The following SPATA17 variants were observed in gnomAD, a reference collection of about 807,000 sequenced individuals.
SPATA17 encodes spermatogenesis associated 17, also known as spermatogenesis-associated protein 17.
Under a neutral mutation model 62.2 loss-of-function variants are expected in SPATA17, and 53 were observed. That is an observed-to-expected ratio of 0.85 (90% CI 0.68 to 1.07). The LOEUF (loss-of-function observed/expected upper bound fraction) is 1.07. Among genes scored for constraint, SPATA17 ranks in the 50% least tolerant of loss-of-function variants. The pLI is 0.00. For synonymous variants in SPATA17, 146 were observed against 146.8 expected, an observed-to-expected ratio of 0.99 and a Z score of 0.04; for missense variants, 466 against 425.5, an observed-to-expected ratio of 1.10 and a Z score of -0.84.
intron 9 of SPATA17, among the ~76,000 whole-genome samples, chr1:217,844,105 A>G (rs1195275902): frequency 6.6e-6 from 1 of 152,196 alleles, no homozygotes; most frequent in African/African-American, 2.4e-5. Flanking sequence ...GGTAGAAGAC[A>G]GAAGCTTCCT....
In SPATA17 at chr1:217,655,626, T is replaced by C. The variant is rs151201211; in HGVS notation, c.240+4448T>C. 3.1e-3 allele frequency among the ~76,000 whole-genome samples: 475 copies of C among 152,328 alleles called. 7 individuals are homozygous for C. The highest frequency in any genetic ancestry group is 0.011 in the African/African-American group (437 of 41,566). ...TTCCATTGTTTCTCCTACATTTACT[T>C]ACCAGCATTTTGCTATAAGAGATTT... On this transcript the variant is annotated intron_variant, in intron 3 of 10. Coordinates refer to ENST00000366933, the MANE Select transcript of SPATA17 (RefSeq NM_138796.4).
intron 10 of SPATA17, among the ~76,000 whole-genome samples, chr1:217,863,122 T>TC (rs1405752297): frequency 7.7e-6 from 1 of 129,326 alleles, no homozygotes. Flanking sequence ...ACTCTTTCTT[T>TC]TTTTTTTTTT....
At chr1:217,725,428 T>A (rs536446740) in intron 5 of SPATA17, among the ~76,000 whole-genome samples, 1 of 152,338 alleles carries the variant, frequency 6.6e-6, no homozygotes, top group African/African-American at 2.4e-5. Flanking sequence ...CATTTTGACA[T>A]GTTTCAAAAA....
intron 9 of SPATA17, among the ~76,000 whole-genome samples, chr1:217,829,676 TG>T (rs1675087769): frequency 7.6e-6 from 1 of 131,582 alleles, no homozygotes; most frequent in Non-Finnish European, 1.7e-5. Context: ...CTCACTTATG[TG>T]AAAAAAAGAT....
At chr1:217,842,132 A>T (rs1040520046) in intron 9 of SPATA17, among the ~76,000 whole-genome samples, 4 of 151,920 alleles carry the variant, frequency 2.6e-5, no homozygotes, top group Non-Finnish European at 4.4e-5. Flanking sequence ...CTGTTTTTTT[A>T]AATTACTCAA....
chr1:217,791,044 T>A (rs1293113656), intron 8 of SPATA17, among the ~76,000 whole-genome samples: 3 of 152,260 alleles, frequency 2.0e-5, no homozygotes, highest in Admixed American at 6.5e-5. Context: ...TATTTTCAGA[T>A]AATGTTTTAA....
At chr1:217,703,978 C>T (rs1274582957) in intron 5 of SPATA17, among the ~76,000 whole-genome samples, 1 of 151,934 alleles carries the variant, frequency 6.6e-6, no homozygotes, top group Admixed American at 6.5e-5. Context: ...GGGTGGGGCT[C>T]TTTTAATAAA....
chr1:217,763,325 C>A (rs1249702377), intron 6 of SPATA17, among the ~76,000 whole-genome samples: 2 of 151,946 alleles, frequency 1.3e-5, no homozygotes, highest in East Asian at 3.9e-4. Flanking sequence ...CATGAAAAGT[C>A]TTTCTAAAGA....
chr1:217,642,569 C>T (rs898294096), intron 1 of SPATA17, among the ~76,000 whole-genome samples: 1 of 152,158 alleles, frequency 6.6e-6, no homozygotes, highest in Non-Finnish European at 1.5e-5. Context: ...TGAAATCCCC[C>T]TAATCCTTAC....
chr1:217,766,562 T>C (rs546441094), intron 6 of SPATA17, among the ~76,000 whole-genome samples: 20 of 152,144 alleles, frequency 1.3e-4, no homozygotes, highest in African/African-American at 4.3e-4. Context: ...TGCCTCATAA[T>C]TGAATACCTT....
At chr1:217,712,924 C>T (rs776568511) in intron 5 of SPATA17, among the ~76,000 whole-genome samples, 3 of 152,130 alleles carry the variant, frequency 2.0e-5, no homozygotes, top group Admixed American at 6.5e-5. Flanking sequence ...AGAGCCAAGA[C>T]GTTCACTCCC....
chr1:217,753,204 G>A (rs1672957624), intron 6 of SPATA17, among the ~76,000 whole-genome samples: 1 of 152,174 alleles, frequency 6.6e-6, no homozygotes, highest in Non-Finnish European at 1.5e-5. Context: ...GCCTATGAAA[G>A]CAAGGGGCCC....
chr1:217,782,213 T>C lies in SPATA17; in HGVS notation c.763T>C (p.Tyr255His), dbSNP rs763098151. The change falls in exon 8 of 11, where the codon TAC becomes CAC. Residue 255 changes from tyrosine to histidine, a missense_variant. By Grantham distance (83) the Tyr-to-His change is moderately conservative. Coordinates refer to ENST00000366933, the MANE Select transcript of SPATA17 (RefSeq NM_138796.4). ...TATCACCGAAGTATTAGAACAACGC[T>C]ACAGGCCTTTGGAGCCAACGTTGCG... is the stretch of plus-strand genomic sequence containing the variant. ...RDITEVLEQR[Y>H]RPLEPTLRVA... The C allele has an allele frequency of 6.2e-7, 1 of 1,612,424 alleles. No homozygotes were observed. The highest frequency in any genetic ancestry group is 8.5e-7 in the Non-Finnish European group (1 of 1,179,160).
intron 9 of SPATA17, among the ~76,000 whole-genome samples, chr1:217,849,032 T>A (rs1571842165): frequency 6.6e-6 from 1 of 152,294 alleles, no homozygotes; most frequent in Middle Eastern, 3.4e-3. Flanking sequence ...GGATGCAATA[T>A]CCTTTCTAAT....
At chr1:217,697,760 A>G (rs1266940985) in intron 5 of SPATA17, among the ~76,000 whole-genome samples, 1 of 152,178 alleles carries the variant, frequency 6.6e-6, no homozygotes, top group African/African-American at 2.4e-5. Flanking sequence ...AATATGTTTT[A>G]TCATGCTTAT....
intron 5 of SPATA17, among the ~76,000 whole-genome samples, chr1:217,683,795 A>G (rs142764285): frequency 3.5e-4 from 53 of 152,098 alleles, no homozygotes; most frequent in African/African-American, 1.1e-3. Flanking sequence ...GATAAAAAAT[A>G]TATATATGAT....
chr1:217,840,935 G>A (rs1035404220), intron 9 of SPATA17, among the ~76,000 whole-genome samples: 1 of 151,662 alleles, frequency 6.6e-6, no homozygotes, highest in Non-Finnish European at 1.5e-5. Context: ...AAATATATGT[G>A]GATATATACT....
chr1:217,865,479 T>C (rs1675990144), intron 10 of SPATA17, among the ~76,000 whole-genome samples: 1 of 152,182 alleles, frequency 6.6e-6, no homozygotes, highest in Non-Finnish European at 1.5e-5. Flanking sequence ...AACACACACA[T>C]ATTTTAAAAT....
chr1:217,827,501 C>A (rs1675023913), intron 9 of SPATA17, among the ~76,000 whole-genome samples: 1 of 152,032 alleles, frequency 6.6e-6, no homozygotes, highest in African/African-American at 2.4e-5. Flanking sequence ...GGAAACACAT[C>A]CAGGATTTAA....
Sources: gnomAD v4.1 joint callset for allele counts (sites outside exome capture counted in the v4.1 genomes callset) on GRCh38, gnomAD v4.1.1 for gene constraint, MANE v1.5 for transcripts, NCBI Gene and HGNC (gene_info 2026-07-23, HGNC 2026-07-21) for gene names.